Variants in MAGI2 observed in about 807,000 individuals in gnomAD.
MAGI2 encodes membrane associated guanylate kinase, WW and PDZ domain containing 2, also known as membrane-associated guanylate kinase, WW and PDZ domain-containing protein 2.
MAGI2 carries 35 observed loss-of-function variants against 133.3 expected under a neutral mutation model. The ratio of observed to expected loss-of-function variants is 0.26; its 90% confidence interval spans 0.20 to 0.35. The LOEUF is 0.35. MAGI2 is among the 10% of genes least tolerant of loss of function. The pLI is 1.00. For synonymous variants in MAGI2, 729 were observed against 710.6 expected, an observed-to-expected ratio of 1.03 and a Z score of -0.41; for missense variants, 1,636 against 1,863.4, an observed-to-expected ratio of 0.88 and a Z score of 2.25.
intron 1 of MAGI2, among the ~76,000 whole-genome samples, chr7:79,076,873 A>G (rs890078881): frequency 3.5e-4 from 54 of 152,288 alleles, no homozygotes; most frequent in African/African-American, 1.2e-3. Context: ...TCCATTCTAA[A>G]TTTCTCTGGG....
intron 2 of MAGI2, among the ~76,000 whole-genome samples, chr7:78,649,300 C>T (rs973051743): frequency 2.5e-5 from 3 of 119,896 alleles, no homozygotes; most frequent in African/African-American, 9.7e-5. Context: ...TTTTTTAAAA[C>T]AAACTTGCCA....
intron 1 of MAGI2, among the ~76,000 whole-genome samples, chr7:79,326,425 C>T (rs1413352068): frequency 6.6e-6 from 1 of 152,116 alleles, no homozygotes; most frequent in Non-Finnish European, 1.5e-5. Flanking sequence ...GGCTTTCCCT[C>T]CCTAGGGTTG....
chr7:78,615,300 T>C (rs573527538), intron 3 of MAGI2: 7 of 152,208 alleles, frequency 4.6e-5, no homozygotes, highest in African/African-American at 1.7e-4. Context: ...TTCCTAGATA[T>C]CCTTGAAGTT....
Position 78,256,025 on chromosome 7 carries a change from C to A in MAGI2, c.1965G>T (p.Gln655His). Residue 655 changes from glutamine (Q) to histidine (H), a missense_variant, in exon 10 of 22, where the codon CAG (glutamine) becomes CAT (histidine). Around this residue, in one of 5 missense-constraint regions of MAGI2, gnomAD observed 920 missense variants for 1,093.5 expected, o/e 0.84. Transcript: ENST00000354212. Reference sequence around the variant, plus strand: ...CCACTACTTCTGTATGGCTCAGGTTCTGTACATTCTGCTGGTTGATCTCAA... The same window carrying A: ...CCACTACTTCTGTATGGCTCAGGTTATGTACATTCTGCTGGTTGATCTCAA... ...LIVEINQQNV[Q>H]NLSHTEVVDI... 6 of 1,613,664 alleles carry A rather than the reference C, an allele frequency of 3.7e-6. No individual in the cohort carries two copies. The highest frequency in any genetic ancestry group is 5.1e-6 in the Non-Finnish European group (6 of 1,179,870).
intron 2 of MAGI2, among the ~76,000 whole-genome samples, chr7:78,976,358 A>G (rs564104626): frequency 2.0e-5 from 3 of 151,688 alleles, no homozygotes; most frequent in South Asian, 4.1e-4. Flanking sequence ...ATGGAAAAGC[A>G]TTTGACAAAA....
chr7:78,440,181 CTCGA>C (rs1475900787), intron 6 of MAGI2, among the ~76,000 whole-genome samples: 5 of 152,052 alleles, frequency 3.3e-5, no homozygotes, highest in African/African-American at 7.2e-5. Flanking sequence ...GGATTCATAC[CTCGA>C]TAAAGCTAAG....
intron 3 of MAGI2, among the ~76,000 whole-genome samples, chr7:78,623,605 C>T (rs1807984831): frequency 6.6e-6 from 1 of 151,966 alleles, no homozygotes; most frequent in African/African-American, 2.4e-5. Flanking sequence ...GTATTTTTGC[C>T]TATTTCCTGT....
At chr7:78,062,940 C>T (rs1358224172) in intron 21 of MAGI2, among the ~76,000 whole-genome samples, 1 of 152,206 alleles carries the variant, frequency 6.6e-6, no homozygotes, top group African/African-American at 2.4e-5. Flanking sequence ...CTGTCCTTCA[C>T]ATTCATTATT....
chr7:78,670,321 A>G (rs1197170975), intron 2 of MAGI2, among the ~76,000 whole-genome samples: 3 of 152,164 alleles, frequency 2.0e-5, no homozygotes, highest in Non-Finnish European at 4.4e-5. Flanking sequence ...CCCATTCACA[A>G]TTGCTTCAAA....
intron 2 of MAGI2, among the ~76,000 whole-genome samples, chr7:78,665,040 T>G (rs1563320391): frequency 6.6e-6 from 1 of 152,098 alleles, no homozygotes; most frequent in African/African-American, 2.4e-5. Context: ...ACTAATATAT[T>G]CTACTTTACT....
chr7:78,650,158 A>T (rs922054977), intron 2 of MAGI2, among the ~76,000 whole-genome samples: 3 of 152,076 alleles, frequency 2.0e-5, no homozygotes, highest in African/African-American at 7.2e-5. Flanking sequence ...AGGGGTTTGG[A>T]ATTTGGTCAA....
intron 6 of MAGI2, among the ~76,000 whole-genome samples, chr7:78,372,103 T>C (rs1793977494): frequency 6.6e-6 from 1 of 152,178 alleles, no homozygotes; most frequent in South Asian, 2.1e-4. Context: ...TGTGTGTATA[T>C]GTTGGCACAT....
chr7:78,355,865 T>C (rs1227898038), intron 7 of MAGI2, among the ~76,000 whole-genome samples: 3 of 152,216 alleles, frequency 2.0e-5, no homozygotes, highest in African/African-American at 7.2e-5. Context: ...ATTAAATATA[T>C]TTTTTAAAGA....
chr7:79,218,560 T>C (rs1045837876), intron 1 of MAGI2, among the ~76,000 whole-genome samples: 4 of 152,068 alleles, frequency 2.6e-5, no homozygotes, highest in Non-Finnish European at 5.9e-5. Context: ...TACTGTACCA[T>C]TTGCACAGAG....
At chr7:79,135,967 G>C (rs1193835820) in intron 1 of MAGI2, among the ~76,000 whole-genome samples, 1 of 25,518 alleles carries the variant, frequency 3.9e-5, no homozygotes, top group Non-Finnish European at 2.2e-4. Context: ...AAGAAAGAAA[G>C]AAAGAAAGAA....
intron 16 of MAGI2, among the ~76,000 whole-genome samples, chr7:78,142,369 C>A (rs1348887379): frequency 2.0e-5 from 3 of 152,094 alleles, no homozygotes; most frequent in African/African-American, 7.2e-5. Flanking sequence ...GAATATGTTA[C>A]AGCTACCAAG....
At chr7:79,344,471 G>C (rs962498604) in intron 1 of MAGI2, among the ~76,000 whole-genome samples, 1 of 152,104 alleles carries the variant, frequency 6.6e-6, no homozygotes, top group African/African-American at 2.4e-5. Context: ...AATAACTTGT[G>C]AATTGTGATG....
At chr7:78,633,139 G>T (rs161286) in intron 2 of MAGI2, among the ~76,000 whole-genome samples, 43,606 of 152,062 alleles carry the variant, frequency 0.29, 6,833 homozygotes, top group East Asian at 0.66. Flanking sequence ...ACTAATGGAC[G>T]AACAGAAAAC....
At chr7:79,114,446 A>T (rs1229400669) in intron 1 of MAGI2, among the ~76,000 whole-genome samples, 2 of 152,196 alleles carry the variant, frequency 1.3e-5, no homozygotes, top group Admixed American at 6.6e-5. Context: ...TTAACAGAGG[A>T]TGTTTTCAGA....
Sources: gnomAD v4.1 joint callset for allele counts (sites outside exome capture counted in the v4.1 genomes callset) on GRCh38, gnomAD v4.1.1 for gene constraint, gnomAD v4.1.1 regional missense constraint, MANE v1.5 for transcripts, NCBI Gene and HGNC (gene_info 2026-07-23, HGNC 2026-07-21) for gene names.